Variants in AFF3 observed in about 807,000 individuals in gnomAD.
AFF3 encodes AF4/FMR2 family member 3.
A neutral mutation model predicts 129.7 loss-of-function variants in AFF3; 32 were observed. The ratio of observed to expected loss-of-function variants is 0.25; its 90% confidence interval spans 0.19 to 0.33. AFF3 has a LOEUF of 0.33. Ranked by LOEUF, AFF3 falls within the 10% of genes least tolerant of loss-of-function variation. AFF3 has a pLI of 1.00. For missense variants in AFF3, 1,373 were observed against 1,592.0 expected (o/e 0.86, Z 2.34); for synonymous variants, 644 against 635.4 (o/e 1.01, Z -0.20).
At chr2:100,002,396 G>A (rs759686043) in intron 7 of AFF3, among the ~76,000 whole-genome samples, 1 of 152,086 alleles carries the variant, frequency 6.6e-6, no homozygotes, top group Non-Finnish European at 1.5e-5. Context: ...TTATGGAATC[G>A]CAGTGCTTCA....
At chr2:99,882,075 GTCTC>G (rs144237739) in intron 7 of AFF3, among the ~76,000 whole-genome samples, 3 of 149,112 alleles carry the variant, frequency 2.0e-5, no homozygotes, top group Admixed American at 2.0e-4. Context: ...CTCTCTCTCT[GTCTC>G]TCTCTCTCTC....
intron 13 of AFF3, among the ~76,000 whole-genome samples, chr2:99,619,580 A>G (rs997656884): frequency 2.0e-5 from 3 of 152,244 alleles, no homozygotes; most frequent in African/African-American, 4.8e-5. Context: ...AAAACACAGT[A>G]AGAACATGCA....
intron 7 of AFF3, among the ~76,000 whole-genome samples, chr2:99,843,651 T>C (rs1170203045): frequency 6.6e-6 from 1 of 152,238 alleles, no homozygotes; most frequent in Non-Finnish European, 1.5e-5. Context: ...ACTGTATTTA[T>C]ATCAGCTTAC....
At position 99,735,713 on chromosome 2, in the gene AFF3, G is replaced by A. The variant is rs78195919; in HGVS notation, c.1039+8391C>T. On this transcript the variant is annotated intron_variant, in intron 10 of 24. Coordinates refer to ENST00000672756, the MANE Select transcript of AFF3 (RefSeq NM_001386135.1). ...TCACCACGTTGGCCAGACTGGTCTCGAATTCCTGACCTCAATGGATCCGCC... is the reference window on the plus strand; with the variant it reads ...TCACCACGTTGGCCAGACTGGTCTCAAATTCCTGACCTCAATGGATCCGCC... Among the ~76,000 whole-genome samples, 682 of 152,202 alleles carry A rather than the reference G, an allele frequency of 4.5e-3. 34 individuals are homozygous for A. In the East Asian group the frequency reaches 0.12, roughly 26 times the overall value.
At chr2:99,790,940 T>C (rs1055312588) in intron 8 of AFF3, among the ~76,000 whole-genome samples, 3 of 152,184 alleles carry the variant, frequency 2.0e-5, no homozygotes, top group African/African-American at 7.2e-5. Context: ...AATTATGATA[T>C]ACCCATAGAA....
At chr2:99,995,099 C>T (rs1409823087) in intron 7 of AFF3, among the ~76,000 whole-genome samples, 3 of 152,122 alleles carry the variant, frequency 2.0e-5, no homozygotes, top group African/African-American at 4.8e-5. Flanking sequence ...ACTTTGGTGG[C>T]TGGAGCAGGT....
chr2:100,030,891 T>C (rs1024751739), intron 4 of AFF3, among the ~76,000 whole-genome samples: 2 of 152,184 alleles, frequency 1.3e-5, no homozygotes, highest in African/African-American at 4.8e-5. Context: ...AGTGAAACTA[T>C]TCTGTATGAT....
intron 10 of AFF3, among the ~76,000 whole-genome samples, chr2:99,727,686 C>T (rs913201862): frequency 6.6e-6 from 1 of 151,828 alleles, no homozygotes; most frequent in African/African-American, 2.4e-5. Context: ...CTCAGCCTCC[C>T]GAGTAGCTGG....
intron 8 of AFF3, among the ~76,000 whole-genome samples, chr2:99,805,799 G>T (rs541621841): frequency 7.1e-6 from 1 of 140,488 alleles, no homozygotes; most frequent in South Asian, 2.3e-4. Flanking sequence ...GGAAACATCT[G>T]CCTGCAGGAG....
intron 7 of AFF3, among the ~76,000 whole-genome samples, chr2:99,923,164 T>A (rs1446229580): frequency 6.6e-6 from 1 of 152,156 alleles, no homozygotes; most frequent in East Asian, 1.9e-4. Context: ...AGTACTGAGC[T>A]CCATCTCCAT....
At chr2:99,808,988 A>ATTC (rs1686577302) in intron 8 of AFF3, among the ~76,000 whole-genome samples, 1 of 152,240 alleles carries the variant, frequency 6.6e-6, no homozygotes, top group African/African-American at 2.4e-5. Flanking sequence ...CAAGCACAGG[A>ATTC]GTTCGTTCCC....
intron 8 of AFF3, among the ~76,000 whole-genome samples, chr2:99,757,564 C>T (rs1306697169): frequency 6.6e-6 from 1 of 152,118 alleles, no homozygotes; most frequent in Non-Finnish European, 1.5e-5. Context: ...TTATTATTTT[C>T]TTACTTTATA....
intron 21 of AFF3, 77 bp downstream of exon 21, chr2:99,560,277 GGGCAAACACTA>G: frequency 1.4e-6 from 2 of 1,392,300 alleles, no homozygotes; most frequent in Non-Finnish European, 2.0e-6. Flanking sequence ...AGAAGACATT[GGGCAAACACTA>G]TGCCTTTCAG....
intron 2 of AFF3, chr2:100,107,594 C>T (rs1197028472): frequency 1.2e-6 from 1 of 812,848 alleles, no homozygotes; most frequent in Non-Finnish European, 1.5e-6. Flanking sequence ...CAAGCAACAC[C>T]CCTGGGAGCT....
chr2:99,916,592 A>G (rs1460697298), intron 7 of AFF3, among the ~76,000 whole-genome samples: 1 of 152,154 alleles, frequency 6.6e-6, no homozygotes, highest in East Asian at 1.9e-4. Context: ...GAAAGCTCAG[A>G]GCAAGATCTT....
At chr2:99,937,461 C>A (rs977924651) in intron 7 of AFF3, among the ~76,000 whole-genome samples, 1 of 151,954 alleles carries the variant, frequency 6.6e-6, no homozygotes, top group Non-Finnish European at 1.5e-5. Flanking sequence ...GTGGAGTGAG[C>A]GATGTCAGCT....
chr2:100,039,146 C>G (rs185472628), intron 4 of AFF3, among the ~76,000 whole-genome samples: 1 of 152,320 alleles, frequency 6.6e-6, no homozygotes, highest in African/African-American at 2.4e-5. Context: ...ACCAACTTCA[C>G]TATATCTCTT....
chr2:99,855,723 G>A (rs138266168), intron 7 of AFF3, among the ~76,000 whole-genome samples: 8 of 152,246 alleles, frequency 5.3e-5, no homozygotes, highest in Admixed American at 2.6e-4. Flanking sequence ...AAGGTGGAGC[G>A]TAACTCCCCA....
At chr2:99,931,603 T>C (rs756561935) in intron 7 of AFF3, among the ~76,000 whole-genome samples, 11 of 152,210 alleles carry the variant, frequency 7.2e-5, no homozygotes, top group Non-Finnish European at 1.5e-4. Flanking sequence ...TTTGCAGTTA[T>C]TTGACATATA....
Sources: allele counts gnomAD v4.1 joint callset (sites outside exome capture counted in the v4.1 genomes callset), GRCh38; gene constraint gnomAD v4.1.1; transcripts MANE v1.5; gene names NCBI Gene and HGNC (gene_info 2026-07-23, HGNC 2026-07-21).